The following CPSF4L variants were observed in gnomAD, a reference collection of about 807,000 sequenced individuals.
The protein encoded by CPSF4L is putative cleavage and polyadenylation specificity factor subunit 4-like protein.
In CPSF4L, 18 loss-of-function variants were observed where a neutral mutation model predicts 24.0. The ratio of observed to expected loss-of-function variants is 0.75; its 90% CI spans 0.52 to 1.11. The LOEUF is 1.11. Among genes scored for constraint, CPSF4L ranks in the 50% least tolerant of loss-of-function variants. The pLI is 0.00. For missense variants in CPSF4L, 211 were observed against 221.8 expected (o/e 0.95, Z 0.31); for synonymous variants, 72 against 77.2 (o/e 0.93, Z 0.35).
chr17:73,261,861 G>A lies in CPSF4L; in HGVS notation c.-43C>T. The A allele has an allele frequency of 3.4e-6, 5 of 1,456,118 alleles. No homozygotes were observed. The highest frequency in any genetic ancestry group is 4.7e-6 in the Non-Finnish European group (5 of 1,060,808). The allele number at this position is 1,456,118 out of a possible 1,614,324, so 90.2% of individuals were successfully genotyped here. On this transcript the variant is annotated 5_prime_UTR_variant, in exon 1 of 6. Transcript: ENST00000344935. The stretch of plus-strand genomic sequence containing the variant: ...GGCTGCGGAAGCTGCTGGAACCCAG[G>A]CAGGTGGGCCCAATATAGCTCATCA...
the CPSF4L span, chr17:73,242,826 T>C: frequency 1.4e-5 from 18 of 1,270,508 alleles, no homozygotes; most frequent in South Asian, 2.0e-4. Flanking sequence ...CTGGGAAAAC[T>C]TGAATGACTC....
chr17:73,253,922 A>G lies in CPSF4L; in HGVS notation c.403+9T>C, dbSNP rs951601384. On this transcript the variant is annotated intron_variant, in intron 4 of 5. Coordinates refer to ENST00000344935, the MANE Select transcript of CPSF4L (RefSeq NM_001129885.1). ...AGCCCCTAGGGCTCCCTGGCTTCCAAGGCCTCACCGTCCTTGCAGAAACCT... is the reference window on the plus strand; with the variant it reads ...AGCCCCTAGGGCTCCCTGGCTTCCAGGGCCTCACCGTCCTTGCAGAAACCT... 6 of 1,547,462 alleles carry G rather than the reference A, an allele frequency of 3.9e-6. No individual in the cohort carries two copies. In the East Asian group the frequency reaches 7.3e-5, roughly 19 times the overall value.
upstream of CPSF4L, among the ~76,000 whole-genome samples, chr17:73,263,355 C>T (rs9908859): frequency 0.03 from 4,563 of 152,160 alleles, 232 homozygotes; most frequent in African/African-American, 0.1. Flanking sequence ...GCACTAGGGC[C>T]ACGTCCCTAT....
intron 5 of CPSF4L, chr17:73,251,254 A>G: frequency 2.1e-6 from 2 of 973,558 alleles, no homozygotes; most frequent in Non-Finnish European, 2.8e-6. Flanking sequence ...TGCCAAAAGC[A>G]TACCTTTCCA....
chr17:73,253,100 C>G (rs1406842357), intron 4 of CPSF4L, among the ~76,000 whole-genome samples: 3 of 152,224 alleles, frequency 2.0e-5, no homozygotes, highest in African/African-American at 7.2e-5. Flanking sequence ...GTGGCTCACA[C>G]CTGTAATCCC....
At chr17:73,259,088 T>G (rs1448066022) in intron 2 of CPSF4L, among the ~76,000 whole-genome samples, 1 of 152,190 alleles carries the variant, frequency 6.6e-6, no homozygotes, top group African/African-American at 2.4e-5. Context: ...TTGCCCAGGC[T>G]GGAGTGCAAT....
intron 3 of CPSF4L, among the ~76,000 whole-genome samples, chr17:73,256,536 C>A (rs549285353): frequency 6.6e-6 from 1 of 152,336 alleles, no homozygotes; most frequent in East Asian, 1.9e-4. Flanking sequence ...CCAGCTCTCT[C>A]TTTGTAGGTC....
the CPSF4L span, chr17:73,242,982 A>G: frequency 2.5e-6 from 4 of 1,613,334 alleles, no homozygotes; most frequent in South Asian, 4.4e-5. Flanking sequence ...CCTGTGTTGT[A>G]GCTGGAGTTT....
At chr17:73,261,672 AACAG>A (rs2062046921) in intron 1 of CPSF4L, 40 bp downstream of exon 1, 3 of 1,337,636 alleles carry the variant, frequency 2.2e-6, no homozygotes, top group Non-Finnish European at 3.1e-6. Context: ...AAGAAAAAAA[AACAG>A]AGAAGGTAGG....
chr17:73,262,956 G>A (rs941102590), upstream of CPSF4L, among the ~76,000 whole-genome samples: 4 of 152,136 alleles, frequency 2.6e-5, no homozygotes, highest in Non-Finnish European at 5.9e-5. Context: ...AAAATAGCTG[G>A]AGAGATAGAC....
chr17:73,245,631 C>T (rs2061939920), downstream of CPSF4L: 3 of 985,284 alleles, frequency 3.0e-6, no homozygotes, highest in South Asian at 1.4e-4. Flanking sequence ...AATAAGCCCA[C>T]ATCAGGCCCT....
downstream of CPSF4L, among the ~76,000 whole-genome samples, chr17:73,243,546 GTCT>G (rs1400702980): frequency 9.5e-4 from 136 of 142,420 alleles, no homozygotes; most frequent in African/African-American, 3.0e-3. Flanking sequence ...ATTTCATGTT[GTCT>G]TTTTTTTTTT....
intron 5 of CPSF4L, chr17:73,248,860 A>G: frequency 3.5e-6 from 1 of 288,362 alleles, no homozygotes; most frequent in East Asian, 7.4e-5. Flanking sequence ...TGTTAAAAAT[A>G]AAATCATTTT....
intron 5 of CPSF4L, among the ~76,000 whole-genome samples, chr17:73,250,625 T>C (rs1296598904): frequency 1.3e-5 from 2 of 148,820 alleles, no homozygotes; most frequent in African/African-American, 5.2e-5. Flanking sequence ...TCAAACATGA[T>C]TTTTTTTCTT....
intron 2 of CPSF4L, among the ~76,000 whole-genome samples, chr17:73,259,301 T>C (rs1031688823): frequency 3.3e-5 from 5 of 152,018 alleles, no homozygotes; most frequent in Admixed American, 6.6e-5. Flanking sequence ...CCTGGCCAGT[T>C]CTCTGACATA....
chr17:73,248,791 A>G (rs780008974), intron 5 of CPSF4L: 21 of 427,902 alleles, frequency 4.9e-5, no homozygotes, highest in Non-Finnish European at 7.5e-5. Context: ...AATATCTGAA[A>G]GACTGAGTTT....
At chr17:73,251,423 G>A (rs766397570) in intron 5 of CPSF4L, among the ~76,000 whole-genome samples, 13 of 152,154 alleles carry the variant, frequency 8.5e-5, no homozygotes, top group African/African-American at 1.2e-4. Flanking sequence ...CCCAGTAGCC[G>A]TCAGTAGCTG....
chr17:73,247,105 TGTACAA>T (rs1599404646), downstream of CPSF4L: 22 of 727,592 alleles, frequency 3.0e-5, no homozygotes, highest in East Asian at 6.0e-4. Flanking sequence ...GTAGTCAAAA[TGTACAA>T]AAACAAGCCC....
chr17:73,253,174 A>T (rs1224856349), intron 4 of CPSF4L, among the ~76,000 whole-genome samples: 3 of 152,200 alleles, frequency 2.0e-5, no homozygotes, highest in Non-Finnish European at 4.4e-5. Flanking sequence ...AGCCTGGGCC[A>T]CATGGTGAGA....
Sources: gnomAD v4.1 joint callset for allele counts (sites outside exome capture counted in the v4.1 genomes callset) on GRCh38, gnomAD v4.1.1 for gene constraint, MANE v1.5 for transcripts, NCBI Gene and HGNC (gene_info 2026-07-23, HGNC 2026-07-21) for gene names.